SPAG16: variants seen among roughly 807,000 people sequenced by gnomAD.
The protein encoded by SPAG16 is sperm associated antigen 16.
In SPAG16, 86 loss-of-function variants were observed where a neutral mutation model predicts 80.4. The observed-to-expected ratio is 1.07, with a 90% confidence interval of 0.90 to 1.28. The LOEUF (loss-of-function observed/expected upper bound fraction) is 1.28, where lower values mean the gene tolerates loss of function less well. Ranked by LOEUF, SPAG16 falls within the 50% of genes most tolerant of loss-of-function variation. SPAG16 has a pLI of 0.00. For missense variants in SPAG16, 870 were observed against 765.3 expected, an observed-to-expected ratio of 1.14 and a Z score of -1.61; for synonymous variants, 294 against 265.9, an observed-to-expected ratio of 1.11 and a Z score of -1.03.
intron 13 of SPAG16, among the ~76,000 whole-genome samples, chr2:214,030,207 T>C (rs577602985): frequency 6.6e-6 from 1 of 152,300 alleles, no homozygotes; most frequent in South Asian, 2.1e-4. Flanking sequence ...AGATACCTCA[T>C]CTAAGTGGAA....
Position 214,365,525 on chromosome 2 carries a change from G to C in SPAG16, c.1721-44615G>C, listed in dbSNP as rs148234319. Among the ~76,000 whole-genome samples the C allele has an allele frequency of 1.3e-3, 191 of 152,208 alleles. 1 individual carries two copies. The highest frequency in any genetic ancestry group is 6.8e-3 in the Middle Eastern group (2 of 294). On this transcript the variant is annotated intron_variant, in intron 15 of 15. Transcript: ENST00000331683. The stretch of plus-strand genomic sequence containing the variant: ...AACCCTATGAATTTTAAATAGAAGA[G>C]AATGCATGCTTCAGGATTATTTTTA...
At chr2:213,578,346 C>G (rs772081230) in intron 10 of SPAG16, among the ~76,000 whole-genome samples, 9 of 152,164 alleles carry the variant, frequency 5.9e-5, no homozygotes, top group Non-Finnish European at 1.0e-4. Context: ...TGTGAGAAAA[C>G]TACTTTGTAA....
chr2:213,363,710 A>G (rs991602402), intron 7 of SPAG16, among the ~76,000 whole-genome samples: 5 of 152,098 alleles, frequency 3.3e-5, no homozygotes, highest in Non-Finnish European at 7.4e-5. Flanking sequence ...CTTGTATTTT[A>G]TAAATATAAA....
At chr2:214,143,235 T>A (rs1368208440) in intron 14 of SPAG16, among the ~76,000 whole-genome samples, 2 of 43,562 alleles carry the variant, frequency 4.6e-5, no homozygotes, top group Non-Finnish European at 8.1e-5. Context: ...TAGTTTTGGG[T>A]TTTTTTTTTT....
At chr2:214,148,892 A>G (rs561133386) in intron 14 of SPAG16, among the ~76,000 whole-genome samples, 1 of 151,952 alleles carries the variant, frequency 6.6e-6, no homozygotes, top group South Asian at 2.1e-4. Context: ...AGGATTTTAT[A>G]TATTAAGAAT....
chr2:213,551,551 T>C (rs1290064964), intron 10 of SPAG16, among the ~76,000 whole-genome samples: 1 of 152,188 alleles, frequency 6.6e-6, no homozygotes, highest in African/African-American at 2.4e-5. Flanking sequence ...TGTCATCTCA[T>C]AATTCTGTCA....
chr2:213,984,590 C>T (rs931909642), intron 12 of SPAG16, among the ~76,000 whole-genome samples: 1 of 152,100 alleles, frequency 6.6e-6, no homozygotes, highest in Admixed American at 6.6e-5. Flanking sequence ...CAGTGGATCA[C>T]CTTAGTTCAA....
chr2:213,610,620 T>A (rs1354140130), intron 10 of SPAG16, among the ~76,000 whole-genome samples: 1 of 152,168 alleles, frequency 6.6e-6, no homozygotes, highest in Non-Finnish European at 1.5e-5. Context: ...CAAGAAAGAA[T>A]TCAGCGCAAG....
At chr2:213,603,663 G>A (rs971846952) in intron 10 of SPAG16, among the ~76,000 whole-genome samples, 2 of 152,084 alleles carry the variant, frequency 1.3e-5, no homozygotes, top group South Asian at 2.1e-4. Context: ...GATAGAAATC[G>A]AATAAACTAT....
intron 10 of SPAG16, 151 bp from the exon 11 acceptor site, chr2:213,862,334 G>A (rs2075504832): frequency 2.3e-6 from 2 of 881,660 alleles, no homozygotes; most frequent in Non-Finnish European, 3.4e-6. Context: ...TAGCAGGGAT[G>A]CAGAACCTGC....
At chr2:213,535,301 A>G (rs188186689) in intron 10 of SPAG16, among the ~76,000 whole-genome samples, 1 of 152,134 alleles carries the variant, frequency 6.6e-6, no homozygotes, top group Admixed American at 6.6e-5. Flanking sequence ...GAATTAGCAT[A>G]CAAGTATATT....
chr2:213,704,163 CATATAACA>C (rs947830769), intron 10 of SPAG16, among the ~76,000 whole-genome samples: 1 of 152,118 alleles, frequency 6.6e-6, no homozygotes, highest in Non-Finnish European at 1.5e-5. Flanking sequence ...TTATAACAGC[CATATAACA>C]ATATAACATA....
intron 15 of SPAG16, among the ~76,000 whole-genome samples, chr2:214,242,185 T>G (rs1689543412): frequency 1.3e-5 from 2 of 152,152 alleles, no homozygotes; most frequent in African/African-American, 4.8e-5. Flanking sequence ...GGACTTTACT[T>G]CAAACATCAG....
At chr2:213,627,884 G>A (rs1354310704) in intron 10 of SPAG16, among the ~76,000 whole-genome samples, 4 of 152,168 alleles carry the variant, frequency 2.6e-5, no homozygotes, top group African/African-American at 7.2e-5. Context: ...TGAGTGCTTC[G>A]CAGCATCACT....
At chr2:213,643,393 TATATATATATATATATA>T (rs2062693728) in intron 10 of SPAG16, among the ~76,000 whole-genome samples, 4 of 84,836 alleles carry the variant, frequency 4.7e-5, no homozygotes, top group Non-Finnish European at 7.3e-5. Context: ...TATATATATA[TATATATATATATATATA>T]TTTTATCTCT....
At chr2:213,962,197 G>GTTT (rs1428699030) in intron 12 of SPAG16, among the ~76,000 whole-genome samples, 3 of 141,472 alleles carry the variant, frequency 2.1e-5, no homozygotes, top group African/African-American at 2.6e-5. Context: ...CTTTTTTTAT[G>GTTT]TTTTTTTTTT....
At chr2:213,452,566 C>T (rs1215133140) in intron 9 of SPAG16, among the ~76,000 whole-genome samples, 1 of 152,140 alleles carries the variant, frequency 6.6e-6, no homozygotes, top group Admixed American at 6.6e-5. Context: ...CAAGGTATAC[C>T]CACTCAGGAA....
intron 9 of SPAG16, among the ~76,000 whole-genome samples, chr2:213,392,523 C>T (rs1024055325): frequency 3.3e-5 from 5 of 152,006 alleles, no homozygotes; most frequent in African/African-American, 1.2e-4. Context: ...TAACCATATG[C>T]AAATGGGAAT....
chr2:214,382,332 T>G (rs1378343217), intron 15 of SPAG16, among the ~76,000 whole-genome samples: 2 of 152,218 alleles, frequency 1.3e-5, no homozygotes, highest in Non-Finnish European at 2.9e-5. Flanking sequence ...ATAACTTCAC[T>G]GTGAAGAAAT....
Sources: allele counts gnomAD v4.1 joint callset (sites outside exome capture counted in the v4.1 genomes callset), GRCh38; gene constraint gnomAD v4.1.1; transcripts MANE v1.5; gene names NCBI Gene and HGNC (gene_info 2026-07-23, HGNC 2026-07-21).